Variants in SNX25 observed in about 807,000 individuals in gnomAD.
SNX25 encodes sorting nexin-25.
SNX25 carries 62 observed loss-of-function variants against 113.7 expected under a neutral mutation model. The ratio of observed to expected loss-of-function variants is 0.55; its 90% CI spans 0.44 to 0.67. The LOEUF is 0.67. SNX25 is among the 30% of genes least tolerant of loss of function. The probability of loss-of-function intolerance (pLI) is 0.00; values close to 1 mark genes in which losing one functional copy is unlikely to be tolerated. For missense variants in SNX25, 1,014 were observed against 1,161.0 expected (o/e 0.87, Z 1.84); for synonymous variants, 421 against 436.2 (o/e 0.97, Z 0.43).
At chr4:185,290,385 A>C (rs933359098) in intron 6 of SNX25, among the ~76,000 whole-genome samples, 21 of 152,176 alleles carry the variant, frequency 1.4e-4, no homozygotes, top group African/African-American at 5.1e-4. Context: ...TTAAGCACTG[A>C]GGAAAAGACA....
intron 8 of SNX25, among the ~76,000 whole-genome samples, chr4:185,322,043 C>T (rs886477996): frequency 3.2e-4 from 48 of 152,072 alleles, no homozygotes; most frequent in African/African-American, 9.9e-4. Context: ...GAGGGGCAAC[C>T]GTATATGTAT....
At chr4:185,378,022 C>T in the SNX25 span, 1 of 1,337,128 alleles carries the variant, frequency 7.5e-7, no homozygotes, top group African/African-American at 1.5e-5. Flanking sequence ...TTTGCTCTAG[C>T]ATGCAAAATG....
chr4:185,364,095 A>G (rs2095378247), downstream of SNX25: 1 of 152,476 alleles, frequency 6.6e-6, no homozygotes, highest in African/African-American at 2.4e-5. Flanking sequence ...GCAGGGAAGT[A>G]AAAGTTTGCT....
intron 5 of SNX25, among the ~76,000 whole-genome samples, chr4:185,278,560 A>G (rs545291183): frequency 6.6e-6 from 1 of 152,314 alleles, no homozygotes; most frequent in South Asian, 2.1e-4. Flanking sequence ...AGTGAGAGCT[A>G]AAAAATAGCA....
intron 1 of SNX25, among the ~76,000 whole-genome samples, chr4:185,239,030 C>T (rs528053867): frequency 6.6e-6 from 1 of 152,112 alleles, no homozygotes; most frequent in Non-Finnish European, 1.5e-5. Flanking sequence ...GATGTTGTTT[C>T]CTCATAAGAG....
At chr4:185,208,505 G>A (rs947539300), upstream of SNX25, among the ~76,000 whole-genome samples, 7 of 151,724 alleles carry the variant, frequency 4.6e-5, no homozygotes, top group Non-Finnish European at 5.9e-5. Flanking sequence ...TGAGGCAGGC[G>A]GATCACGAGG....
intron 5 of SNX25, among the ~76,000 whole-genome samples, chr4:185,273,839 CT>C (rs932375613): frequency 6.6e-6 from 1 of 152,154 alleles, no homozygotes; most frequent in Admixed American, 6.5e-5. Context: ...GGATTTCCTT[CT>C]TTGTTAAGGC....
At chr4:185,303,247 G>A (rs1753961307) in intron 6 of SNX25, among the ~76,000 whole-genome samples, 1 of 152,048 alleles carries the variant, frequency 6.6e-6, no homozygotes, top group South Asian at 2.1e-4. Context: ...TTGGGAACGG[G>A]GTTCTGCTTG....
At chr4:185,228,987 T>A (rs1015728781) in intron 1 of SNX25, among the ~76,000 whole-genome samples, 2 of 152,222 alleles carry the variant, frequency 1.3e-5, no homozygotes, top group Non-Finnish European at 2.9e-5. Flanking sequence ...TCTTGATCTC[T>A]GTGCTCTGCT....
chr4:185,370,980 C>A, downstream of SNX25: 1 of 620,912 alleles, frequency 1.6e-6, no homozygotes, highest in African/African-American at 1.8e-5. Flanking sequence ...CACCTCATAC[C>A]AGGAGAAGAT....
chr4:185,251,743 T>C (rs1404487869), intron 2 of SNX25, among the ~76,000 whole-genome samples: 1 of 152,096 alleles, frequency 6.6e-6, no homozygotes, highest in Non-Finnish European at 1.5e-5. Context: ...TCTTTAATTT[T>C]TGAAGACTTA....
At chr4:185,229,184 C>T (rs1166774340) in intron 1 of SNX25, among the ~76,000 whole-genome samples, 2 of 148,886 alleles carry the variant, frequency 1.3e-5, no homozygotes, top group Admixed American at 6.7e-5. Context: ...GGGCGTGGTA[C>T]GACAGAGGGC....
At chr4:185,280,031 C>T (rs1423696834) in intron 5 of SNX25, among the ~76,000 whole-genome samples, 1 of 152,110 alleles carries the variant, frequency 6.6e-6, no homozygotes, top group African/African-American at 2.4e-5. Context: ...GTCAATCCTC[C>T]CACCTCAGCC....
chr4:185,299,242 C>T (rs1363181363), intron 6 of SNX25, among the ~76,000 whole-genome samples: 3 of 152,132 alleles, frequency 2.0e-5, no homozygotes, highest in East Asian at 3.9e-4. Context: ...AAAAGAGAAT[C>T]GTGAAGCAGC....
intron 2 of SNX25, among the ~76,000 whole-genome samples, chr4:185,251,775 G>A (rs150992791): frequency 1.4e-3 from 211 of 151,918 alleles, no homozygotes; most frequent in African/African-American, 4.7e-3. Context: ...GTACTTAGAC[G>A]TGACCTTTAT....
chr4:185,216,949 A>G (rs1579317945), intron 1 of SNX25, among the ~76,000 whole-genome samples: 1 of 152,244 alleles, frequency 6.6e-6, no homozygotes, highest in African/African-American at 2.4e-5. Flanking sequence ...ACCAGTGAGT[A>G]TATGAGATGA....
chr4:185,208,773 C>G (rs1002637998), upstream of SNX25, among the ~76,000 whole-genome samples: 2 of 152,020 alleles, frequency 1.3e-5, no homozygotes, highest in African/African-American at 4.8e-5. Flanking sequence ...CCCATGAATA[C>G]CAATTGATAC....
At chr4:185,246,873 A>G (rs1005964881) in intron 1 of SNX25, among the ~76,000 whole-genome samples, 14 of 152,142 alleles carry the variant, frequency 9.2e-5, no homozygotes, top group African/African-American at 3.4e-4. Context: ...GGAGTTATTT[A>G]TATACAGAAT....
the SNX25 span, chr4:185,378,081 C>A: frequency 1.2e-6 from 2 of 1,609,768 alleles, no homozygotes; most frequent in Non-Finnish European, 1.7e-6. Context: ...GGATTTGTAC[C>A]AGTCTTTTCC....
Sources: gnomAD v4.1 joint callset for allele counts (sites outside exome capture counted in the v4.1 genomes callset) on GRCh38, gnomAD v4.1.1 for gene constraint, MANE v1.5 for transcripts, NCBI Gene and HGNC (gene_info 2026-07-23, HGNC 2026-07-21) for gene names.